The following RAPGEF5 variants were observed in gnomAD, a reference collection of about 807,000 sequenced individuals.
The protein encoded by RAPGEF5 is M-Ras-regulated GEF.
RAPGEF5 carries 65 observed loss-of-function variants against 125.2 expected under a neutral mutation model. The ratio of observed to expected loss-of-function variants is 0.52; its 90% CI spans 0.43 to 0.64. RAPGEF5 has a LOEUF of 0.64. RAPGEF5 is among the 30% of genes least tolerant of loss of function. The pLI is 0.00. For missense variants in RAPGEF5, 958 were observed against 1,048.1 expected (o/e 0.91, Z 1.19); for synonymous variants, 391 against 385.9 (o/e 1.01, Z -0.16).
intron 1 of RAPGEF5, among the ~76,000 whole-genome samples, chr7:22,327,329 A>G (rs138550708): frequency 6.6e-6 from 1 of 152,340 alleles, no homozygotes; most frequent in African/African-American, 2.4e-5. Context: ...TTTGGATTCC[A>G]GATTCTTATT....
chr7:22,211,569 G>A (rs757680764), intron 9 of RAPGEF5, among the ~76,000 whole-genome samples: 5 of 152,194 alleles, frequency 3.3e-5, no homozygotes, highest in Non-Finnish European at 5.9e-5. Flanking sequence ...GCTGCCCACA[G>A]CAAATCCTTT....
chr7:22,154,371 A>C (rs889550014), intron 17 of RAPGEF5, 84 bp downstream of exon 17: 70 of 1,476,500 alleles, frequency 4.7e-5, no homozygotes, highest in Non-Finnish European at 3.6e-5. Context: ...GAGGAGCTGC[A>C]CTTTTACTCT....
chr7:22,128,379 T>A (rs962346331), intron 24 of RAPGEF5, among the ~76,000 whole-genome samples: 1 of 152,184 alleles, frequency 6.6e-6, no homozygotes, highest in Non-Finnish European at 1.5e-5. Flanking sequence ...TCTGACTCAG[T>A]GTACTGGCCT....
intron 7 of RAPGEF5, 124 bp from the exon 8 acceptor site, chr7:22,231,043 G>GC: frequency 1.1e-6 from 1 of 912,320 alleles, no homozygotes; most frequent in Non-Finnish European, 1.7e-6. Context: ...GTAAACATTG[G>GC]CATTATTTTT....
intron 21 of RAPGEF5, among the ~76,000 whole-genome samples, chr7:22,139,198 AG>A (rs1225815807): frequency 5.3e-5 from 8 of 152,208 alleles, no homozygotes; most frequent in African/African-American, 1.9e-4. Flanking sequence ...AGTCAGTGAT[AG>A]GAACTAAATC....
chr7:22,163,435 T>C (rs1784069347), intron 12 of RAPGEF5, among the ~76,000 whole-genome samples: 1 of 152,140 alleles, frequency 6.6e-6, no homozygotes, highest in Non-Finnish European at 1.5e-5. Context: ...GAAAAGAATA[T>C]GTTAGGACGA....
chr7:22,250,539 T>C (rs1013600574), intron 7 of RAPGEF5, among the ~76,000 whole-genome samples: 2 of 152,196 alleles, frequency 1.3e-5, no homozygotes, highest in African/African-American at 4.8e-5. Context: ...TGCATGTCTG[T>C]TTATCCAATT....
intron 5 of RAPGEF5, among the ~76,000 whole-genome samples, chr7:22,305,852 G>T (rs1335890792): frequency 6.6e-6 from 1 of 152,104 alleles, no homozygotes; most frequent in Non-Finnish European, 1.5e-5. Context: ...ATGCCCTCCA[G>T]TTCCATCCAT....
At position 22,232,861 on chromosome 7, in the gene RAPGEF5, C is replaced by G. The variant is rs969185524; in HGVS notation, c.797-1942G>C. 2.6e-5 allele frequency among the ~76,000 whole-genome samples: 4 copies of G among 152,230 alleles called. No individual in the cohort carries two copies. The South Asian group carries it at 8.3e-4, about 32-fold the overall frequency. On this transcript the variant is annotated intron_variant, in intron 7 of 25. Transcript: ENST00000665637. The stretch of plus-strand genomic sequence containing the variant: ...ATATAATAAGCTACTTCTTTTGTAA[C>G]TTTATGAAAGAAGAAAAGAGAGAAA...
intron 6 of RAPGEF5, among the ~76,000 whole-genome samples, chr7:22,269,593 T>C (rs2686480): frequency 0.51 from 77,244 of 152,068 alleles, 20,413 homozygotes; most frequent in East Asian, 0.69. Context: ...CCATCATAAG[T>C]TACTCCCAGC....
chr7:22,239,467 C>T (rs181495655), intron 7 of RAPGEF5, among the ~76,000 whole-genome samples: 1 of 152,162 alleles, frequency 6.6e-6, no homozygotes, highest in African/African-American at 2.4e-5. Flanking sequence ...GAAAAGCTCC[C>T]ATCTCCCCCA....
At chr7:22,351,498 T>C (rs1447459689) in intron 1 of RAPGEF5, among the ~76,000 whole-genome samples, 1 of 152,156 alleles carries the variant, frequency 6.6e-6, no homozygotes, top group Non-Finnish European at 1.5e-5. Flanking sequence ...GGAAACAGGA[T>C]ACATAGATGC....
chr7:22,149,851 T>A (rs1341194418), intron 18 of RAPGEF5, among the ~76,000 whole-genome samples: 1 of 152,164 alleles, frequency 6.6e-6, no homozygotes, highest in Non-Finnish European at 1.5e-5. Flanking sequence ...GTCACCTATC[T>A]CAAATCCCTT....
intron 6 of RAPGEF5, among the ~76,000 whole-genome samples, chr7:22,268,934 C>T (rs1412786740): frequency 1.9e-4 from 29 of 151,752 alleles, no homozygotes; most frequent in Admixed American, 1.8e-3. Flanking sequence ...ATGAGATGAG[C>T]GAGCAAAAAA....
intron 11 of RAPGEF5, chr7:22,191,421 A>G (rs1005660168): frequency 5.5e-6 from 2 of 366,234 alleles, no homozygotes; most frequent in Non-Finnish European, 1.1e-5. Context: ...GAAAGTTGTT[A>G]CCATTTTGCC....
chr7:22,253,173 C>T (rs1786667606), intron 7 of RAPGEF5, among the ~76,000 whole-genome samples: 2 of 152,228 alleles, frequency 1.3e-5, no homozygotes, highest in Non-Finnish European at 2.9e-5. Context: ...GCAAAGCTCT[C>T]TCTTTTGGGG....
intron 5 of RAPGEF5, among the ~76,000 whole-genome samples, chr7:22,299,665 A>C (rs2128149856): frequency 6.6e-6 from 1 of 152,262 alleles, no homozygotes; most frequent in South Asian, 2.1e-4. Context: ...TCTTTTAGAA[A>C]CAGTCAGCTA....
At chr7:22,190,625 T>C (rs774704931) in intron 11 of RAPGEF5, among the ~76,000 whole-genome samples, 19 of 152,218 alleles carry the variant, frequency 1.2e-4, no homozygotes, top group African/African-American at 1.7e-4. Flanking sequence ...AAACGTTATC[T>C]ATTTGTATGT....
chr7:22,133,973 C>G (rs1783001325), intron 23 of RAPGEF5, among the ~76,000 whole-genome samples: 1 of 152,128 alleles, frequency 6.6e-6, no homozygotes, highest in African/African-American at 2.4e-5. Flanking sequence ...GGGCCTAATC[C>G]TTCTTAAACA....
Sources: allele counts gnomAD v4.1 joint callset (sites outside exome capture counted in the v4.1 genomes callset), GRCh38; gene constraint gnomAD v4.1.1; transcripts MANE v1.5; gene names NCBI Gene and HGNC (gene_info 2026-07-23, HGNC 2026-07-21).